ARHGAP26: variants seen among roughly 807,000 people sequenced by gnomAD.
ARHGAP26 encodes the protein Rho GTPase activating protein 26.
Under a neutral mutation model 104.8 loss-of-function variants are expected in ARHGAP26, and 38 were observed. The ratio of observed to expected loss-of-function variants is 0.36; its 90% CI spans 0.28 to 0.48. ARHGAP26 has a LOEUF of 0.48. Among genes scored for constraint, ARHGAP26 ranks in the 20% least tolerant of loss-of-function variants. ARHGAP26 has a pLI of 0.99. For missense variants in ARHGAP26, 704 were observed against 947.9 expected, an observed-to-expected ratio of 0.74 and a Z score of 3.38; for synonymous variants, 341 against 340.0, an observed-to-expected ratio of 1.00 and a Z score of -0.03.
chr5:143,024,542 T>C (rs186160187), intron 12 of ARHGAP26, among the ~76,000 whole-genome samples: 69 of 152,246 alleles, frequency 4.5e-4, no homozygotes, highest in African/African-American at 1.6e-3. Flanking sequence ...CAAGGGGTTA[T>C]TGAGACAGAG....
intron 1 of ARHGAP26, among the ~76,000 whole-genome samples, chr5:142,790,023 A>G (rs1759480957): frequency 6.6e-6 from 1 of 152,254 alleles, no homozygotes; most frequent in African/African-American, 2.4e-5. Flanking sequence ...AATCCAGTCA[A>G]CAAATGTTTA....
chr5:142,848,105 G>A (rs1597890614), intron 1 of ARHGAP26, among the ~76,000 whole-genome samples: 1 of 152,206 alleles, frequency 6.6e-6, no homozygotes, highest in South Asian at 2.1e-4. Context: ...GAGTGATCTG[G>A]GAGAAAGGAA....
intron 19 of ARHGAP26, among the ~76,000 whole-genome samples, chr5:143,136,344 G>A (rs181201614): frequency 6.6e-6 from 1 of 152,250 alleles, no homozygotes; most frequent in East Asian, 1.9e-4. Flanking sequence ...GGTAGACAGG[G>A]GATGCAAAAG....
intron 18 of ARHGAP26, among the ~76,000 whole-genome samples, chr5:143,124,659 G>A (rs1420309686): frequency 1.3e-5 from 2 of 152,218 alleles, no homozygotes; most frequent in South Asian, 2.1e-4. Flanking sequence ...AGCAGCAAGG[G>A]CTGTTAAGGC....
At chr5:142,809,477 A>C (rs948517155) in intron 1 of ARHGAP26, among the ~76,000 whole-genome samples, 1 of 152,114 alleles carries the variant, frequency 6.6e-6, no homozygotes, top group African/African-American at 2.4e-5. Context: ...GGGGTGTCTG[A>C]ATATGTCCTG....
chr5:142,822,680 T>A (rs2152079594), intron 1 of ARHGAP26, among the ~76,000 whole-genome samples: 1 of 152,292 alleles, frequency 6.6e-6, no homozygotes, highest in Admixed American at 6.5e-5. Context: ...TATATGTATA[T>A]TCATGTCACA....
chr5:143,023,412 A>G (rs1179616596), intron 12 of ARHGAP26, among the ~76,000 whole-genome samples: 1 of 152,248 alleles, frequency 6.6e-6, no homozygotes. Context: ...AACTGTAGGG[A>G]AAGCCTTGAT....
Position 143,227,887 on chromosome 5 carries a change from C to T in ARHGAP26, c.*5441C>T, listed in dbSNP as rs1393195038. 4.5e-6 allele frequency: 1 copy of T among 221,326 alleles called. No individual in the cohort carries two copies. The highest frequency in any genetic ancestry group is 6.6e-5 in the East Asian group (1 of 15,174). 13.7% of individuals were successfully genotyped at this position (221,326 alleles called of 1,614,324 possible). The stretch of plus-strand genomic sequence containing the variant: ...AAAAAAAGCGATCACAGAAAAATTT[C>T]ACAGCTAATATTTTTACAAAAGTTG... On this transcript the variant is annotated 3_prime_UTR_variant, in exon 23 of 23. Transcript: ENST00000645722.
In ARHGAP26 at chr5:142,847,664, T is replaced by C. The variant is rs570253692; in HGVS notation, c.155-25736T>C. Among the ~76,000 whole-genome samples the C allele has an allele frequency of 6.4e-4, 98 of 152,304 alleles. 1 individual carries two copies. The highest frequency in any genetic ancestry group is 1.5e-3 in the Admixed American group (23 of 15,306). On this transcript the variant is annotated intron_variant, in intron 1 of 22. Coordinates refer to ENST00000645722, the MANE Select transcript of ARHGAP26 (RefSeq NM_001135608.3). ...GAGCCACCGTGCCCGGCCAGGATGA[T>C]GATGTCTTAACTGCCATTAGGTGGC...
At chr5:142,953,674 C>A (rs149836026) in intron 11 of ARHGAP26, among the ~76,000 whole-genome samples, 234 of 152,306 alleles carry the variant, frequency 1.5e-3, no homozygotes, top group African/African-American at 5.5e-3. Context: ...ATGGACAAGA[C>A]TGTCCTTTTA....
At chr5:143,173,505 A>AT (rs1803067591) in intron 20 of ARHGAP26, among the ~76,000 whole-genome samples, 1 of 152,206 alleles carries the variant, frequency 6.6e-6, no homozygotes, top group African/African-American at 2.4e-5. Flanking sequence ...GTGGCTTTGC[A>AT]TTGTTTTATT....
At position 143,061,009 on chromosome 5, in the gene ARHGAP26, C is replaced by A. The variant is rs191516617; in HGVS notation, c.1538+3262C>A. Among the ~76,000 whole-genome samples the A allele has an allele frequency of 2.3e-3, 345 of 152,242 alleles. 2 individuals carry two copies. The highest frequency in any genetic ancestry group is 0.01 in the Middle Eastern group (3 of 294). Reference sequence around the variant, plus strand: ...TTTTAAAAATCCAGTTTTGACTTTCCAAGTCTTTGCAATTTGACTTTGTGT... The same window carrying A: ...TTTTAAAAATCCAGTTTTGACTTTCAAAGTCTTTGCAATTTGACTTTGTGT... On this transcript the variant is annotated intron_variant, in intron 17 of 22. Transcript: ENST00000645722.
intron 11 of ARHGAP26, among the ~76,000 whole-genome samples, chr5:142,949,555 T>G (rs1259276391): frequency 1.3e-5 from 2 of 152,166 alleles, no homozygotes; most frequent in Admixed American, 1.3e-4. Context: ...GGTATCAGTA[T>G]TTTTTCTTTG....
chr5:142,962,281 T>C (rs1770386347), intron 11 of ARHGAP26, among the ~76,000 whole-genome samples: 1 of 152,206 alleles, frequency 6.6e-6, no homozygotes, highest in Admixed American at 6.5e-5. Flanking sequence ...TTGTTTTGCC[T>C]TTTTTGCATC....
chr5:143,219,857 C>T (rs1032652481), intron 22 of ARHGAP26, among the ~76,000 whole-genome samples: 1 of 152,216 alleles, frequency 6.6e-6, no homozygotes, highest in Non-Finnish European at 1.5e-5. Context: ...TTCCGAAGCA[C>T]ATGGTCTGGC....
At chr5:143,128,740 C>A (rs1221519670) in intron 18 of ARHGAP26, among the ~76,000 whole-genome samples, 3 of 152,160 alleles carry the variant, frequency 2.0e-5, no homozygotes, top group Admixed American at 1.3e-4. Context: ...CAAACCAATC[C>A]CACATTACTA....
chr5:143,126,484 C>A (rs189180833), intron 18 of ARHGAP26, among the ~76,000 whole-genome samples: 1 of 152,164 alleles, frequency 6.6e-6, no homozygotes, highest in Admixed American at 6.5e-5. Flanking sequence ...GAAGCTGAAC[C>A]AAATAGTACT....
chr5:142,942,103 A>G (rs187775156), intron 11 of ARHGAP26, among the ~76,000 whole-genome samples: 2 of 152,276 alleles, frequency 1.3e-5, no homozygotes, highest in African/African-American at 4.8e-5. Context: ...AGTCAAAACT[A>G]AAGGGAAGGG....
At chr5:143,193,323 C>G (rs1452920446) in intron 20 of ARHGAP26, among the ~76,000 whole-genome samples, 1 of 143,504 alleles carries the variant, frequency 7.0e-6, no homozygotes, top group East Asian at 2.1e-4. Flanking sequence ...TCTCGGCTCA[C>G]TGCAACCTCC....
Sources: gnomAD v4.1 joint callset for allele counts (sites outside exome capture counted in the v4.1 genomes callset) on GRCh38, gnomAD v4.1.1 for gene constraint, MANE v1.5 for transcripts, NCBI Gene and HGNC (gene_info 2026-07-23, HGNC 2026-07-21) for gene names.